The following KIF6 variants were observed in gnomAD, a reference collection of about 807,000 sequenced individuals.
The protein encoded by KIF6 is kinesin family member 6, also known as kinesin-like protein KIF6.
A neutral mutation model predicts 112.7 loss-of-function variants in KIF6; 106 were observed. The observed-to-expected ratio is 0.94, with a 90% CI of 0.80 to 1.11. The LOEUF is 1.11. Ranked by LOEUF, KIF6 falls within the 50% of genes least tolerant of loss-of-function variation. KIF6 has a pLI of 0.00. For synonymous variants in KIF6, 339 were observed against 339.9 expected (o/e 1.00, Z 0.03); for missense variants, 929 against 964.0 (o/e 0.96, Z 0.48).
chr6:39,600,393 G>C (rs529862486), intron 6 of KIF6, among the ~76,000 whole-genome samples: 1 of 152,282 alleles, frequency 6.6e-6, no homozygotes, highest in Non-Finnish European at 1.5e-5. Context: ...ATAAGACCTG[G>C]ATGTTGCCCT....
At chr6:39,648,578 T>G (rs1236748437) in intron 3 of KIF6, among the ~76,000 whole-genome samples, 1 of 152,154 alleles carries the variant, frequency 6.6e-6, no homozygotes, top group Admixed American at 6.5e-5. Context: ...TTAACTAAAT[T>G]TGAATGCCTT....
chr6:39,349,088 T>C (rs1764014343), intron 19 of KIF6, among the ~76,000 whole-genome samples: 1 of 152,192 alleles, frequency 6.6e-6, no homozygotes, highest in Admixed American at 6.5e-5. Context: ...TAAAGGGGAC[T>C]TGTTGGAGGT....
chr6:39,524,084 C>G lies in KIF6; in HGVS notation c.1645+15919G>C, dbSNP rs551865297. ...TTTCACAGAGTAAATACATGATTGG[C>G]GAAAGAATAATGTTTTATTTCCAAA... On this transcript the variant is annotated intron_variant, in intron 13 of 22. Coordinates refer to ENST00000287152, the MANE Select transcript of KIF6 (RefSeq NM_145027.6). Among the ~76,000 whole-genome samples the G allele has an allele frequency of 3.4e-4, 51 of 150,906 alleles. No individual in the cohort carries two copies. The South Asian group carries it at 0.01, about 31-fold the overall frequency.
chr6:39,391,270 A>G (rs1224305673), intron 15 of KIF6, among the ~76,000 whole-genome samples: 1 of 152,226 alleles, frequency 6.6e-6, no homozygotes, highest in Non-Finnish European at 1.5e-5. Flanking sequence ...GTAGGAAGGT[A>G]ACTAAAACAG....
intron 3 of KIF6, among the ~76,000 whole-genome samples, chr6:39,711,833 G>A (rs1311362936): frequency 6.6e-6 from 1 of 152,122 alleles, no homozygotes; most frequent in Admixed American, 6.5e-5. Context: ...CTCCACAGTG[G>A]AAGTTGTAGA....
intron 13 of KIF6, among the ~76,000 whole-genome samples, chr6:39,467,519 C>T (rs569393514): frequency 2.0e-5 from 3 of 152,122 alleles, no homozygotes; most frequent in Non-Finnish European, 2.9e-5. Context: ...GAGAGGCAGC[C>T]CTGCTAAAAC....
rs531497867 is a variant in KIF6, at chr6:39,332,613, A to T, written c.*3919T>A. 4 of 152,344 alleles carry T rather than the reference A, an allele frequency of 2.6e-5. No homozygotes were observed. The highest frequency in any genetic ancestry group is 9.6e-5 in the African/African-American group (4 of 41,570). 9.4% of individuals were successfully genotyped at this position (152,344 alleles called of 1,614,324 possible). On this transcript the variant is annotated 3_prime_UTR_variant, in exon 23 of 23. Transcript: ENST00000287152. The stretch of plus-strand genomic sequence containing the variant: ...TTTCTCCACTCTGGCTGTTGGAAAC[A>T]TGAACTCTTCCCAACACAGTGTTAT...
intron 19 of KIF6, among the ~76,000 whole-genome samples, chr6:39,348,271 C>T (rs1763955709): frequency 1.3e-5 from 2 of 152,140 alleles, no homozygotes; most frequent in Non-Finnish European, 2.9e-5. Context: ...GGAGAGTTCA[C>T]AGGTGCCAAA....
chr6:39,364,287 A>AT (rs1308269803), intron 16 of KIF6, among the ~76,000 whole-genome samples: 8 of 151,810 alleles, frequency 5.3e-5, no homozygotes, highest in Non-Finnish European at 1.2e-4. Flanking sequence ...CGCCCAGCTA[A>AT]TTTTTGTATT....
At chr6:39,424,000 C>T (rs1770578820) in intron 14 of KIF6, among the ~76,000 whole-genome samples, 1 of 152,202 alleles carries the variant, frequency 6.6e-6, no homozygotes, top group South Asian at 2.1e-4. Flanking sequence ...CAAAACTCCT[C>T]AAGTGCTCCC....
At chr6:39,569,146 G>A (rs930922641) in intron 10 of KIF6, among the ~76,000 whole-genome samples, 1 of 152,066 alleles carries the variant, frequency 6.6e-6, no homozygotes, top group African/African-American at 2.4e-5. Context: ...TTTAATAGTG[G>A]TTTTATAACT....
chr6:39,358,174 T>C (rs971031633), intron 18 of KIF6, among the ~76,000 whole-genome samples: 2 of 152,220 alleles, frequency 1.3e-5, no homozygotes, highest in Non-Finnish European at 2.9e-5. Context: ...GAATGCCCTG[T>C]AAGCCTCCTG....
At chr6:39,611,489 G>C (rs1011379513) in intron 6 of KIF6, among the ~76,000 whole-genome samples, 2 of 152,164 alleles carry the variant, frequency 1.3e-5, no homozygotes, top group Non-Finnish European at 2.9e-5. Context: ...AGCTACTGGA[G>C]ATCATGGTGG....
intron 15 of KIF6, among the ~76,000 whole-genome samples, chr6:39,396,534 CAGG>C (rs1156567241): frequency 6.6e-6 from 1 of 152,158 alleles, no homozygotes; most frequent in Non-Finnish European, 1.5e-5. Context: ...TGGAAAACGG[CAGG>C]AGAAGTTGCA....
intron 5 of KIF6, among the ~76,000 whole-genome samples, chr6:39,617,470 C>A (rs952041393): frequency 6.6e-6 from 1 of 152,070 alleles, no homozygotes; most frequent in African/African-American, 2.4e-5. Context: ...TGGTTTCTAA[C>A]GTTCATGTTA....
intron 15 of KIF6, among the ~76,000 whole-genome samples, chr6:39,400,696 G>C (rs753191480): frequency 1.3e-5 from 2 of 152,200 alleles, no homozygotes; most frequent in Non-Finnish European, 2.9e-5. Context: ...TCAGCTTCAT[G>C]CGACAGGATT....
chr6:39,587,111 T>C lies in KIF6; in HGVS notation c.847-707A>G, dbSNP rs115721015. On this transcript the variant is annotated intron_variant, in intron 7 of 22. Coordinates refer to ENST00000287152, the MANE Select transcript of KIF6 (RefSeq NM_145027.6). Reference sequence around the variant, plus strand: ...CTTCATGAGTTCCTTAGGTACTTAATAGGAAGGTACTAGATAGATGGATGG... The same window carrying C: ...CTTCATGAGTTCCTTAGGTACTTAACAGGAAGGTACTAGATAGATGGATGG... 8.5e-3 allele frequency among the ~76,000 whole-genome samples: 1,301 copies of C among 152,272 alleles called. 16 individuals carry two copies. The highest frequency in any genetic ancestry group is 0.029 in the African/African-American group (1,200 of 41,538).
intron 13 of KIF6, among the ~76,000 whole-genome samples, chr6:39,526,402 C>A (rs868493827): frequency 6.6e-6 from 1 of 152,130 alleles, no homozygotes; most frequent in South Asian, 2.1e-4. Flanking sequence ...TTTTCTTGTG[C>A]GTTTATTACA....
At chr6:39,390,094 A>G (rs1767755295) in intron 15 of KIF6, among the ~76,000 whole-genome samples, 1 of 152,102 alleles carries the variant, frequency 6.6e-6, no homozygotes, top group African/African-American at 2.4e-5. Context: ...GTTGAGTTCA[A>G]ATCCCAGTTT....
Sources: allele counts gnomAD v4.1 joint callset (sites outside exome capture counted in the v4.1 genomes callset), GRCh38; gene constraint gnomAD v4.1.1; transcripts MANE v1.5; gene names NCBI Gene and HGNC (gene_info 2026-07-23, HGNC 2026-07-21).